Variants in RBBP8 observed in about 807,000 individuals in gnomAD.
RBBP8 encodes DNA endonuclease RBBP8.
A neutral mutation model predicts 108.3 loss-of-function variants in RBBP8; 88 were observed. The observed-to-expected ratio is 0.81, with a 90% CI of 0.68 to 0.97. The LOEUF (loss-of-function observed/expected upper bound fraction) is 0.97. RBBP8 is among the 50% of genes least tolerant of loss of function. The pLI, the probability that RBBP8 is intolerant of heterozygous loss-of-function variation, is 0.00. For synonymous variants in RBBP8, 332 were observed against 348.2 expected (o/e 0.95, Z 0.52); for missense variants, 1,023 against 1,049.0 (o/e 0.98, Z 0.34).
At chr18:23,007,045 G>A in intron 16 of RBBP8, among the ~76,000 whole-genome samples, 1 of 146,284 alleles carries the variant, frequency 6.8e-6, no homozygotes, top group African/African-American at 2.5e-5. Context: ...TTTGGAGACA[G>A]AGTTTCACTC....
chr18:22,994,659 GA>G (rs998200703), intron 12 of RBBP8, among the ~76,000 whole-genome samples: 39 of 139,510 alleles, frequency 2.8e-4, no homozygotes, highest in Middle Eastern at 3.5e-3. Flanking sequence ...AAAAAAAAAA[GA>G]AAAAAAAAAT....
Position 22,975,104 on chromosome 18 carries a change from A to G in RBBP8, c.362-49A>G, listed in dbSNP as rs759532067. On this transcript the variant is annotated intron_variant, in intron 5 of 18. Transcript: ENST00000327155. ...TATTTTATTTGAAAGCCTAACATAG[A>G]TGTTAATATAAATATATTATTTGCC... The G allele has an allele frequency of 7.8e-6, 12 of 1,535,556 alleles. No individual in the cohort carries two copies. The African/African-American group carries it at 1.1e-4, about 14-fold the overall frequency.
chr18:22,932,413 G>C (rs1351649772), upstream of RBBP8, among the ~76,000 whole-genome samples: 2 of 152,194 alleles, frequency 1.3e-5, no homozygotes, highest in African/African-American at 2.4e-5. Context: ...AATGATAGTT[G>C]CTGTAACAGG....
At chr18:23,013,983 C>A (rs2046214025) in intron 16 of RBBP8, among the ~76,000 whole-genome samples, 1 of 151,976 alleles carries the variant, frequency 6.6e-6, no homozygotes, top group African/African-American at 2.4e-5. Context: ...TGGAGATGTA[C>A]AAGGAGATGA....
intron 4 of RBBP8, among the ~76,000 whole-genome samples, chr18:22,962,890 C>T (rs192592611): frequency 1.3e-5 from 2 of 152,246 alleles, no homozygotes; most frequent in East Asian, 1.9e-4. Flanking sequence ...CATGAGCCAC[C>T]GCACCCAGCC....
At position 22,969,015 on chromosome 18, in the gene RBBP8, A is replaced by T. The variant is rs567315043; in HGVS notation, c.361+97A>T. 2.2e-5 allele frequency: 20 copies of T among 904,096 alleles called. No homozygotes were observed. In the Admixed American group the frequency reaches 4.7e-4, roughly 21 times the overall value. The allele number at this position is 904,096 out of a possible 1,614,324, so 56.0% of individuals were successfully genotyped here. A position where few individuals can be genotyped will look rare whatever the true frequency, so the allele number is the denominator to read the frequency against. On this transcript the variant is annotated intron_variant, in intron 5 of 18. Transcript: ENST00000327155. ...TTGTAATTAAATGGATGGTTTACAT[A>T]TATTTTTCCTTATTTAGTAAAAGTT... is the stretch of plus-strand genomic sequence containing the variant.
At chr18:22,940,476 A>G (rs1270545774) in intron 2 of RBBP8, among the ~76,000 whole-genome samples, 4 of 150,970 alleles carry the variant, frequency 2.6e-5, no homozygotes, top group African/African-American at 9.8e-5. Context: ...ACCCGCCACC[A>G]CGCCCGGCTA....
chr18:23,017,348 T>C (rs1335311473), intron 17 of RBBP8, among the ~76,000 whole-genome samples: 23 of 124,058 alleles, frequency 1.9e-4, no homozygotes, highest in Non-Finnish European at 3.1e-4. Flanking sequence ...AGAGTGAAAC[T>C]TGGTCTCAAA....
At chr18:22,973,551 A>G (rs1914276941) in intron 5 of RBBP8, among the ~76,000 whole-genome samples, 1 of 152,124 alleles carries the variant, frequency 6.6e-6, no homozygotes, top group African/African-American at 2.4e-5. Context: ...ATTTCTTTTA[A>G]TGACCACCTG....
intron 1 of RBBP8, chr18:22,933,765 ACTT>A (rs1910226139): frequency 6.6e-6 from 1 of 151,544 alleles, no homozygotes; most frequent in African/African-American, 2.4e-5. Flanking sequence ...CCTCAGTACT[ACTT>A]CTGGGTCTCC....
intron 16 of RBBP8, among the ~76,000 whole-genome samples, chr18:23,013,994 A>AC: frequency 6.6e-6 from 1 of 151,208 alleles, no homozygotes; most frequent in African/African-American, 2.5e-5. Context: ...AAGGAGATGA[A>AC]TTTTTTATTT....
In RBBP8 at chr18:22,992,982, C is replaced by T; in HGVS notation, c.1155C>T (p.Phe385=). The T allele has an allele frequency of 1.9e-6, 3 of 1,613,516 alleles. No individual in the cohort carries two copies. Among genetic ancestry groups the T allele is most frequent in the Non-Finnish European group, 2.5e-6 (3 of 1,179,472 alleles). ...TRSKSEDSAL[F]THHSLGSEVN... ...CAAAATCTGAAGATAGTGCCCTTTT[C>T]ACACATCACAGTCTTGGGTCTGAAG... Residue 385 remains phenylalanine, a synonymous_variant, in exon 11 of 19, where the codon TTC becomes TTT. Coordinates refer to ENST00000327155, the MANE Select transcript of RBBP8 (RefSeq NM_002894.3).
intron 2 of RBBP8, among the ~76,000 whole-genome samples, chr18:22,937,625 C>A (rs563795825): frequency 6.6e-6 from 1 of 151,294 alleles, no homozygotes; most frequent in East Asian, 2.0e-4. Context: ...ACCATAGGCA[C>A]ACGCTGCCAT....
chr18:22,997,208 G>A (rs1369660217), intron 13 of RBBP8, among the ~76,000 whole-genome samples: 1 of 152,022 alleles, frequency 6.6e-6, no homozygotes, highest in Admixed American at 6.5e-5. Flanking sequence ...CTTTCACTTG[G>A]TAGCATATTA....
At chr18:22,966,005 G>A (rs1913551656) in intron 4 of RBBP8, among the ~76,000 whole-genome samples, 1 of 152,018 alleles carries the variant, frequency 6.6e-6, no homozygotes, top group African/African-American at 2.4e-5. Flanking sequence ...CTACCATCCT[G>A]GACAATGCAA....
chr18:22,926,377 C>T (rs1325494241), intron 3 of RBBP8, among the ~76,000 whole-genome samples: 2 of 152,086 alleles, frequency 1.3e-5, no homozygotes. Context: ...GAGCCAAGAT[C>T]GTGCCACTGC....
chr18:23,026,037 C>T, intron 18 of RBBP8, 106 bp from the exon 19 acceptor site: 1 of 881,382 alleles, frequency 1.1e-6, no homozygotes, highest in African/African-American at 1.7e-5. Context: ...TCAGAAGAAT[C>T]ATGTAAACTT....
chr18:22,956,391 A>G (rs1912542359), intron 4 of RBBP8, among the ~76,000 whole-genome samples: 1 of 151,920 alleles, frequency 6.6e-6, no homozygotes, highest in South Asian at 2.1e-4. Flanking sequence ...CTGGAGTGTA[A>G]TGGCACCATC....
At chr18:22,958,309 C>G (rs1473220909) in intron 4 of RBBP8, among the ~76,000 whole-genome samples, 2 of 152,182 alleles carry the variant, frequency 1.3e-5, no homozygotes, top group African/African-American at 2.4e-5. Context: ...GATGTCATGG[C>G]CTTTCTGCCA....
Sources: allele counts gnomAD v4.1 joint callset (sites outside exome capture counted in the v4.1 genomes callset), GRCh38; gene constraint gnomAD v4.1.1; transcripts MANE v1.5; gene names NCBI Gene and HGNC (gene_info 2026-07-23, HGNC 2026-07-21).